Variants in LUZP2 observed in about 807,000 individuals in gnomAD.
The protein encoded by LUZP2 is leucine zipper protein 2.
A neutral mutation model predicts 51.6 loss-of-function variants in LUZP2; 52 were observed. The observed-to-expected ratio is 1.01, with a 90% confidence interval of 0.81 to 1.27. LUZP2 has a LOEUF of 1.27. Among genes scored for constraint, LUZP2 ranks in the 50% most tolerant of loss-of-function variants. The probability of loss-of-function intolerance (pLI) is 0.00; values close to 1 mark genes in which losing one functional copy is unlikely to be tolerated. For missense variants in LUZP2, 436 were observed against 395.4 expected (o/e 1.10, Z -0.87); for synonymous variants, 154 against 137.3 (o/e 1.12, Z -0.85).
chr11:24,701,922 T>C (rs190078742), intron 1 of LUZP2, among the ~76,000 whole-genome samples: 1 of 152,334 alleles, frequency 6.6e-6, no homozygotes, highest in Non-Finnish European at 1.5e-5. Context: ...GCATTTAATG[T>C]CTTGAACATT....
intron 5 of LUZP2, among the ~76,000 whole-genome samples, chr11:24,866,425 C>A (rs1443550316): frequency 2.6e-5 from 4 of 152,138 alleles, no homozygotes; most frequent in Non-Finnish European, 1.5e-5. Flanking sequence ...TGACAACCAG[C>A]CTGCAATAAG....
intron 9 of LUZP2, among the ~76,000 whole-genome samples, chr11:25,018,054 T>TTTGTTCTG (rs1257085875): frequency 2.0e-5 from 2 of 98,422 alleles, no homozygotes; most frequent in Admixed American, 2.4e-4. Flanking sequence ...TTTTGTTTTT[T>TTTGTTCTG]TTTTTGCAGC....
intron 9 of LUZP2, among the ~76,000 whole-genome samples, chr11:25,011,281 A>C (rs1218228063): frequency 6.6e-6 from 1 of 152,212 alleles, no homozygotes. Flanking sequence ...GAGCATCTGT[A>C]TCTCTCCTTA....
intron 5 of LUZP2, among the ~76,000 whole-genome samples, chr11:24,825,901 G>A (rs1850509804): frequency 1.3e-5 from 2 of 151,746 alleles, no homozygotes. Flanking sequence ...TATAATAAAA[G>A]TTGGCCGAGC....
chr11:24,658,970 G>A (rs1293288517), intron 1 of LUZP2, among the ~76,000 whole-genome samples: 3 of 152,192 alleles, frequency 2.0e-5, no homozygotes, highest in Non-Finnish European at 2.9e-5. Context: ...TATACTGTTG[G>A]TGGGACTGTA....
chr11:25,037,422 A>T (rs557219437), intron 9 of LUZP2, among the ~76,000 whole-genome samples: 1 of 152,080 alleles, frequency 6.6e-6, no homozygotes, highest in Non-Finnish European at 1.5e-5. Context: ...GACACTCTGT[A>T]TCTTTTAAAT....
At chr11:24,843,675 C>T (rs1851104678) in intron 5 of LUZP2, among the ~76,000 whole-genome samples, 1 of 152,112 alleles carries the variant, frequency 6.6e-6, no homozygotes, top group Admixed American at 6.6e-5. Context: ...GCTGTGTCCC[C>T]ACCCAAATCT....
At chr11:24,928,215 G>A (rs1285407006) in intron 7 of LUZP2, among the ~76,000 whole-genome samples, 3 of 151,884 alleles carry the variant, frequency 2.0e-5, no homozygotes, top group Admixed American at 1.3e-4. Context: ...TACCAATTTG[G>A]ATGCCCTTTA....
chr11:24,910,584 T>C (rs972729712), intron 6 of LUZP2, among the ~76,000 whole-genome samples: 1 of 152,174 alleles, frequency 6.6e-6, no homozygotes, highest in Non-Finnish European at 1.5e-5. Flanking sequence ...CCTTGGTGCC[T>C]TCCATGTGGT....
chr11:24,657,641 C>T (rs891781300), intron 1 of LUZP2, among the ~76,000 whole-genome samples: 15 of 152,262 alleles, frequency 9.9e-5, no homozygotes, highest in African/African-American at 3.6e-4. Context: ...CAAATTGTCC[C>T]TGTTTGGAGA....
chr11:25,022,223 A>G (rs1857356433), intron 9 of LUZP2, among the ~76,000 whole-genome samples: 1 of 152,014 alleles, frequency 6.6e-6, no homozygotes, highest in Admixed American at 6.6e-5. Flanking sequence ...ATTTTCTTTC[A>G]TTATAATTAT....
intron 9 of LUZP2, among the ~76,000 whole-genome samples, chr11:24,992,373 G>A (rs1331224487): frequency 6.6e-6 from 1 of 152,008 alleles, no homozygotes; most frequent in Non-Finnish European, 1.5e-5. Context: ...GTGTGATGGG[G>A]GATGGGTGAA....
At chr11:24,845,228 T>A (rs749961379) in intron 5 of LUZP2, among the ~76,000 whole-genome samples, 37 of 152,178 alleles carry the variant, frequency 2.4e-4, no homozygotes, top group Non-Finnish European at 4.6e-4. Context: ...ATCAGCGTGA[T>A]CTGGATATGA....
chr11:24,922,825 CTTTTTTTTTTTCTTTTTTTTTTT>C (rs1854103510), intron 7 of LUZP2, among the ~76,000 whole-genome samples: 2 of 44,622 alleles, frequency 4.5e-5, no homozygotes, highest in Non-Finnish European at 1.3e-4. Context: ...ACAGTTATAT[CTTTTTTTTTTTCTTTTTTTTTTT>C]TTTTTTTTTT....
chr11:24,751,014 T>C (rs1199277500), intron 4 of LUZP2, among the ~76,000 whole-genome samples: 3 of 152,182 alleles, frequency 2.0e-5, no homozygotes, highest in Non-Finnish European at 4.4e-5. Flanking sequence ...TTATCATTCA[T>C]TCCAAGAATA....
intron 4 of LUZP2, among the ~76,000 whole-genome samples, chr11:24,752,365 A>C (rs1859624019): frequency 6.6e-6 from 1 of 152,206 alleles, no homozygotes; most frequent in African/African-American, 2.4e-5. Context: ...CTATACATAT[A>C]AACTGGCATT....
At chr11:24,765,629 CTTTTTTTTTT>C in intron 5 of LUZP2, among the ~76,000 whole-genome samples, 1 of 133,046 alleles carries the variant, frequency 7.5e-6, no homozygotes, top group Non-Finnish European at 1.6e-5. Context: ...TTTCTTTTTT[CTTTTTTTTTT>C]TTTTTTGAGA....
intron 8 of LUZP2, among the ~76,000 whole-genome samples, chr11:24,982,295 A>G (rs1856056768): frequency 6.6e-6 from 1 of 151,886 alleles, no homozygotes; most frequent in Non-Finnish European, 1.5e-5. Context: ...TCTTCCATAA[A>G]GACACATGCA....
intron 5 of LUZP2, among the ~76,000 whole-genome samples, chr11:24,876,908 G>A (rs972134896): frequency 2.6e-5 from 4 of 152,058 alleles, no homozygotes; most frequent in South Asian, 2.1e-4. Context: ...AGGTAGCAAC[G>A]CATCAAATGA....
Sources: allele counts gnomAD v4.1 joint callset (sites outside exome capture counted in the v4.1 genomes callset), GRCh38; gene constraint gnomAD v4.1.1; transcripts MANE v1.5; gene names NCBI Gene and HGNC (gene_info 2026-07-23, HGNC 2026-07-21).